C16orf74: variants seen among roughly 807,000 people sequenced by gnomAD.
The protein encoded by C16orf74 is uncharacterized protein C16orf74.
C16orf74 carries 10 observed loss-of-function variants against 6.5 expected under a neutral mutation model. The observed-to-expected ratio is 1.54, with a 90% CI of 0.95 to 2.61. The LOEUF is 2.61. Ranked by LOEUF, C16orf74 falls within the 30% of genes most tolerant of loss-of-function variation. C16orf74 has a pLI of 0.00. For synonymous variants in C16orf74, 60 were observed against 42.5 expected (o/e 1.41, Z -1.60); for missense variants, 141 against 105.9 (o/e 1.33, Z -1.45).
At chr16:85,740,326 G>A (rs1299749273) in intron 1 of C16orf74, among the ~76,000 whole-genome samples, 1 of 151,498 alleles carries the variant, frequency 6.6e-6, no homozygotes, top group Non-Finnish European at 1.5e-5. Context: ...AGGCTGAGGA[G>A]GGCAGATCAC....
chr16:85,714,299 C>A (rs2053997700), intron 2 of C16orf74, among the ~76,000 whole-genome samples: 1 of 152,110 alleles, frequency 6.6e-6, no homozygotes, highest in Non-Finnish European at 1.5e-5. Context: ...TGACGAGCAT[C>A]CGCCCCTCAC....
At chr16:85,738,966 G>A (rs2054274062) in intron 1 of C16orf74, among the ~76,000 whole-genome samples, 1 of 143,434 alleles carries the variant, frequency 7.0e-6, no homozygotes, top group Non-Finnish European at 1.6e-5. Flanking sequence ...GGGATTTGAA[G>A]CCAGAACTTT....
intron 1 of C16orf74, among the ~76,000 whole-genome samples, chr16:85,739,867 C>T (rs902433248): frequency 1.3e-5 from 2 of 152,026 alleles, no homozygotes; most frequent in Admixed American, 6.5e-5. Context: ...AGTCTGGGGT[C>T]AATATTAAGT....
intron 1 of C16orf74, among the ~76,000 whole-genome samples, chr16:85,748,519 G>A (rs970815182): frequency 8.6e-5 from 13 of 151,672 alleles, no homozygotes; most frequent in African/African-American, 2.4e-4. Flanking sequence ...AATCACTTGA[G>A]CCTGGGAGGC....
At chr16:85,749,527 C>G (rs1422040306) in intron 1 of C16orf74, among the ~76,000 whole-genome samples, 1 of 152,172 alleles carries the variant, frequency 6.6e-6, no homozygotes. Context: ...AAGCACTCCT[C>G]CTGCTTTGGC....
chr16:85,748,924 G>T (rs1045536892), intron 1 of C16orf74, among the ~76,000 whole-genome samples: 101 of 57,150 alleles, frequency 1.8e-3, no homozygotes, highest in Admixed American at 4.8e-3. Context: ...GGGAGGCTTT[G>T]ATTTTTTTTT....
intron 2 of C16orf74, among the ~76,000 whole-genome samples, chr16:85,718,996 T>G (rs2054052354): frequency 6.6e-6 from 1 of 152,242 alleles, no homozygotes; most frequent in South Asian, 2.1e-4. Flanking sequence ...GGCACAATTT[T>G]CCCTTATTCT....
At chr16:85,726,601 G>A (rs1474855802) in intron 2 of C16orf74, among the ~76,000 whole-genome samples, 2 of 152,168 alleles carry the variant, frequency 1.3e-5, no homozygotes, top group South Asian at 2.1e-4. Flanking sequence ...CTTGACCTTG[G>A]CTATTTTCTA....
intron 1 of C16orf74, among the ~76,000 whole-genome samples, chr16:85,738,374 G>C (rs1466901361): frequency 6.7e-6 from 1 of 149,274 alleles, no homozygotes; most frequent in Non-Finnish European, 1.5e-5. Context: ...GCCCAGGCTG[G>C]AGTGCAGTGG....
At chr16:85,708,091 C>T (rs1201351776) in intron 3 of C16orf74, 25 bp from the exon 4 acceptor site, 1 of 1,541,208 alleles carries the variant, frequency 6.5e-7, no homozygotes, top group East Asian at 2.4e-5. Context: ...GGATGGACAC[C>T]TGGATGCACC....
intron 2 of C16orf74, 107 bp from the exon 3 acceptor site, chr16:85,710,414 G>T (rs1243132829): frequency 9.9e-6 from 11 of 1,116,142 alleles, no homozygotes; most frequent in Non-Finnish European, 1.2e-5. Flanking sequence ...TATCACCTGG[G>T]TCCTGACGCC....
intron 1 of C16orf74, chr16:85,741,587 G>C (rs995763823): frequency 5.9e-6 from 1 of 170,400 alleles, no homozygotes; most frequent in Admixed American, 6.5e-5. Flanking sequence ...TTTTCACACA[G>C]CAAGTTTTCT....
intron 2 of C16orf74, among the ~76,000 whole-genome samples, chr16:85,715,260 C>T (rs1481984376): frequency 6.6e-6 from 1 of 151,964 alleles, no homozygotes; most frequent in Non-Finnish European, 1.5e-5. Context: ...GCGCCCCTAC[C>T]CCAAACAACC....
intron 2 of C16orf74, among the ~76,000 whole-genome samples, chr16:85,712,835 G>A (rs1250241313): frequency 1.3e-5 from 2 of 152,216 alleles, no homozygotes; most frequent in Non-Finnish European, 2.9e-5. Flanking sequence ...GGAATATCTT[G>A]CCTGATAGGA....
intron 2 of C16orf74, among the ~76,000 whole-genome samples, chr16:85,725,373 T>C (rs2054123287): frequency 6.6e-6 from 1 of 152,148 alleles, no homozygotes; most frequent in South Asian, 2.1e-4. Flanking sequence ...CGCAGCCCCA[T>C]CTGGAAGGCA....
At chr16:85,712,657 A>C (rs890882767) in intron 2 of C16orf74, among the ~76,000 whole-genome samples, 2 of 152,194 alleles carry the variant, frequency 1.3e-5, no homozygotes, top group African/African-American at 4.8e-5. Context: ...AGGCTCAGAA[A>C]AACTGAAAGC....
At chr16:85,728,761 C>A (rs1008263313) in intron 2 of C16orf74, among the ~76,000 whole-genome samples, 3 of 152,372 alleles carry the variant, frequency 2.0e-5, no homozygotes, top group Middle Eastern at 3.4e-3. Flanking sequence ...AGTCACCACT[C>A]CATTTTACAG....
At chr16:85,723,134 C>T (rs1010700222) in intron 2 of C16orf74, among the ~76,000 whole-genome samples, 2 of 151,948 alleles carry the variant, frequency 1.3e-5, no homozygotes, top group African/African-American at 4.8e-5. Context: ...GTGGTGCATG[C>T]CTGTAATCCC....
chr16:85,750,718 T>C (rs1015869540), intron 1 of C16orf74, among the ~76,000 whole-genome samples: 1 of 152,166 alleles, frequency 6.6e-6, no homozygotes, highest in Non-Finnish European at 1.5e-5. Context: ...CCGGGCCAAG[T>C]TTCCCAAAGC....
Sources: gnomAD v4.1 joint callset for allele counts (sites outside exome capture counted in the v4.1 genomes callset) on GRCh38, gnomAD v4.1.1 for gene constraint, MANE v1.5 for transcripts, NCBI Gene and HGNC (gene_info 2026-07-23, HGNC 2026-07-21) for gene names.